Variants in GLDC observed in about 807,000 individuals in gnomAD.
GLDC encodes the protein glycine decarboxylase.
GLDC carries 104 observed loss-of-function variants against 121.3 expected under a neutral mutation model. The ratio of observed to expected loss-of-function variants is 0.86; its 90% confidence interval spans 0.73 to 1.01. The LOEUF (loss-of-function observed/expected upper bound fraction) is 1.01, where lower values mean the gene tolerates loss of function less well. Ranked by LOEUF, GLDC falls within the 50% of genes least tolerant of loss-of-function variation. GLDC has a pLI of 0.00. For missense variants in GLDC, 1,429 were observed against 1,306.6 expected, an observed-to-expected ratio of 1.09 and a Z score of -1.44; for synonymous variants, 546 against 480.6, an observed-to-expected ratio of 1.14 and a Z score of -1.78.
rs563676189 is a variant in GLDC at position 6,572,235 on chromosome 9, A to G, written c.1851-6806T>C. Among the ~76,000 whole-genome samples, 5 of 152,390 alleles carry G rather than the reference A, an allele frequency of 3.3e-5. No individual in the cohort carries two copies. The South Asian group carries it at 1.0e-3, about 32-fold the overall frequency. On this transcript the variant is annotated intron_variant, in intron 15 of 24. Coordinates refer to ENST00000321612, the MANE Select transcript of GLDC (RefSeq NM_000170.3). ...CCCATTAGGGTTACAAGGACAAGCT[A>G]CAGAACGGGAGAAAGTATCTGCAAA...
intron 5 of GLDC, 87 bp downstream of exon 5, chr9:6,606,505 A>T (rs1225886392): frequency 2.2e-6 from 2 of 901,990 alleles, no homozygotes; most frequent in Non-Finnish European, 3.8e-6. Flanking sequence ...ATTCACCTCC[A>T]ATCAGTTTGG....
intron 2 of GLDC, among the ~76,000 whole-genome samples, chr9:6,626,589 T>C (rs913022225): frequency 1.4e-4 from 22 of 152,198 alleles, no homozygotes; most frequent in African/African-American, 5.1e-4. Flanking sequence ...TTCAAGTGTT[T>C]CATTCAAATG....
At chr9:6,645,214 A>G (rs1452952208) in intron 1 of GLDC, 31 bp downstream of exon 1, 35 of 1,554,834 alleles carry the variant, frequency 2.3e-5, no homozygotes, top group Non-Finnish European at 2.7e-5. Context: ...GGCGGAGGGG[A>G]GGCCGCGGAG....
chr9:6,613,445 G>C (rs995588226), intron 3 of GLDC, among the ~76,000 whole-genome samples: 2 of 152,138 alleles, frequency 1.3e-5, no homozygotes, highest in African/African-American at 4.8e-5. Context: ...GGGCAACATA[G>C]CGAGACTCTG....
chr9:6,557,745 T>C (rs981438026), intron 17 of GLDC: 3 of 152,262 alleles, frequency 2.0e-5, no homozygotes, highest in Non-Finnish European at 4.4e-5. Flanking sequence ...CTGTTTGTTT[T>C]CCTGGCCAGC....
At chr9:6,636,435 C>T (rs572342687) in intron 2 of GLDC, among the ~76,000 whole-genome samples, 14 of 152,226 alleles carry the variant, frequency 9.2e-5, no homozygotes, top group African/African-American at 3.4e-4. Flanking sequence ...AATGGGAAAT[C>T]TTTGTAGCTT....
intron 18 of GLDC, chr9:6,554,986 G>A: frequency 1.6e-6 from 1 of 626,782 alleles, no homozygotes; most frequent in Non-Finnish European, 2.9e-6. Context: ...GCTTGTGGTT[G>A]CTATGGAAAT....
rs1244239144 is a variant in GLDC, at chr9:6,588,622, G to A, written c.1661C>T (p.Pro554Leu). The change falls in exon 13 of 25, where the codon CCA becomes CTA. Residue 554 changes from proline (P) to leucine (L), a missense_variant. Pro to Leu is a moderately conservative substitution (Grantham distance 98). Transcript: ENST00000321612. ...AAAAAGGCCACAAATAACTACCAGT[G>A]GAATCATGCTGTGAACAAGGGAAAT... ...KDISLVHSMI[P>L]LGSCTMKLNS... The A allele has an allele frequency of 1.9e-6, 3 of 1,606,584 alleles. No individual in the cohort carries two copies. Among genetic ancestry groups the A allele is most frequent in the Non-Finnish European group, 2.6e-6 (3 of 1,173,154 alleles).
At chr9:6,595,396 A>C (rs1216016913) in intron 8 of GLDC, among the ~76,000 whole-genome samples, 2 of 152,192 alleles carry the variant, frequency 1.3e-5, no homozygotes, top group African/African-American at 4.8e-5. Context: ...GTCACCCTTA[A>C]GGGCAAAGAT....
chr9:6,557,898 G>T (rs552528278), intron 17 of GLDC: 1 of 159,324 alleles, frequency 6.3e-6, no homozygotes, highest in Admixed American at 5.9e-5. Flanking sequence ...TGGAAGGGTA[G>T]AGGTGGATCG....
intron 23 of GLDC, among the ~76,000 whole-genome samples, chr9:6,535,530 G>A (rs566472158): frequency 6.6e-6 from 1 of 151,854 alleles, no homozygotes; most frequent in South Asian, 2.1e-4. Flanking sequence ...CAGCCTTCAT[G>A]GTATTCTCCA....
intron 14 of GLDC, among the ~76,000 whole-genome samples, chr9:6,587,730 G>A (rs913208917): frequency 2.0e-5 from 3 of 152,036 alleles, no homozygotes; most frequent in Non-Finnish European, 2.9e-5. Context: ...CTGGGAGGCT[G>A]AGGTGGGAGG....
intron 2 of GLDC, among the ~76,000 whole-genome samples, chr9:6,625,878 C>T (rs953385811): frequency 2.7e-5 from 4 of 150,032 alleles, no homozygotes; most frequent in African/African-American, 9.9e-5. Context: ...AGAGTAGGAC[C>T]CAAGTTTTCT....
rs57337220 is a variant in GLDC at position 6,551,511 on chromosome 9, T to G, written c.2458-597A>C. Among the ~76,000 whole-genome samples the G allele has an allele frequency of 2.3e-3, 343 of 152,296 alleles. 1 individual carries two copies. The highest frequency in any genetic ancestry group is 8.1e-3 in the African/African-American group (336 of 41,558). ...TACTTTCTTCCCAGAGTACCTCACATGTGATGGAGTTGGCATATATATTAA... is the reference window on the plus strand; with the variant it reads ...TACTTTCTTCCCAGAGTACCTCACAGGTGATGGAGTTGGCATATATATTAA... On this transcript the variant is annotated intron_variant, in intron 20 of 24. Coordinates refer to ENST00000321612, the MANE Select transcript of GLDC (RefSeq NM_000170.3).
At chr9:6,558,165 G>T (rs192140925) in intron 17 of GLDC, 12 of 344,118 alleles carry the variant, frequency 3.5e-5, no homozygotes, top group Admixed American at 8.7e-5. Flanking sequence ...TCAGCATGAT[G>T]GGGCTGGCAC....
chr9:6,639,105 T>G, intron 2 of GLDC: 2 of 714,804 alleles, frequency 2.8e-6, no homozygotes, highest in Non-Finnish European at 2.5e-6. Context: ...ATCTGCCTAT[T>G]GAGAATTAAT....
intron 4 of GLDC, among the ~76,000 whole-genome samples, chr9:6,608,606 C>A (rs184892054): frequency 1.3e-5 from 2 of 149,518 alleles, no homozygotes; most frequent in Admixed American, 6.7e-5. Flanking sequence ...ATTAGCCGGG[C>A]GTGGTGGCAG....
intron 15 of GLDC, among the ~76,000 whole-genome samples, chr9:6,582,587 T>A (rs1818191878): frequency 6.6e-6 from 1 of 151,384 alleles, no homozygotes; most frequent in African/African-American, 2.4e-5. Context: ...CCCAGCACTT[T>A]GAGAGGCCGA....
intron 2 of GLDC, among the ~76,000 whole-genome samples, chr9:6,622,493 C>T (rs1018486818): frequency 1.3e-5 from 2 of 152,088 alleles, no homozygotes; most frequent in African/African-American, 4.8e-5. Context: ...ATCCGCCAGC[C>T]TCGGCCTCCC....
Sources: allele counts gnomAD v4.1 joint callset (sites outside exome capture counted in the v4.1 genomes callset), GRCh38; gene constraint gnomAD v4.1.1; transcripts MANE v1.5; gene names NCBI Gene and HGNC (gene_info 2026-07-23, HGNC 2026-07-21).